The following TMEM223 variants were observed in gnomAD, a reference collection of about 807,000 sequenced individuals.
The protein encoded by TMEM223 is transmembrane protein 223.
Under a neutral mutation model 14.1 loss-of-function variants are expected in TMEM223, and 14 were observed. That is an observed-to-expected ratio of 0.99 (90% confidence interval 0.66 to 1.55). TMEM223 has a LOEUF of 1.55. TMEM223 is among the 40% of genes most tolerant of loss of function. TMEM223 has a pLI of 0.00. For missense variants in TMEM223, 346 were observed against 269.9 expected (o/e 1.28, Z -1.97); for synonymous variants, 145 against 120.5 (o/e 1.20, Z -1.33).
intron 1 of TMEM223, chr11:62,782,085 C>T (rs2084234098): frequency 6.3e-7 from 1 of 1,591,672 alleles, no homozygotes; most frequent in African/African-American, 1.3e-5. Flanking sequence ...CCCTCATGTC[C>T]CTGTAAGCTA....
downstream of TMEM223, chr11:62,787,710 C>T (rs2084304238): frequency 2.6e-6 from 2 of 774,330 alleles, no homozygotes; most frequent in African/African-American, 1.7e-5. Context: ...CTCCTCCTGG[C>T]CAGGTCATAC....
At chr11:62,783,981 G>C (rs1271291961), downstream of TMEM223, among the ~76,000 whole-genome samples, 1 of 9,410 alleles carries the variant, frequency 1.1e-4, no homozygotes, top group East Asian at 3.3e-3. Flanking sequence ...ATCTTGCCAA[G>C]ATGGCGCCAC....
At chr11:62,779,976 A>ATATATATATATTTTTTTTTT (rs1294367864) in intron 1 of TMEM223, among the ~76,000 whole-genome samples, 1 of 52,622 alleles carries the variant, frequency 1.9e-5, no homozygotes. Context: ...ATATATATAT[A>ATATATATATATTTTTTTTTT]TTTTTTTTTT....
chr11:62,774,145 C>T (rs1022541612), intron 2 of TMEM223, among the ~76,000 whole-genome samples: 3 of 151,644 alleles, frequency 2.0e-5, no homozygotes, highest in Non-Finnish European at 2.9e-5. Context: ...GGCGTGATCT[C>T]GGCTCACTGC....
rs376888304 is a variant in TMEM223 at position 62,790,800 on chromosome 11, C to T, written c.432G>A (p.Gly144=). 1.6e-5 allele frequency: 26 copies of T among 1,606,540 alleles called. No homozygotes were observed. In the African/African-American group the frequency reaches 2.1e-4, roughly 13 times the overall value. Residue 144 remains glycine, a synonymous_variant, in exon 2 of 2, where the codon GGG becomes GGA. Coordinates refer to ENST00000307366, the MANE Select transcript of TMEM223 (RefSeq NM_001080501.3). ...GCTTCAAAGGAACTGTGAAATGGGC[C>T]CCCAAGCCAAAGGGGGCATGAGTGG... ...TLTTHAPFGL[G]AHFTVPLKQV... is the part of the protein sequence containing the mutation.
chr11:62,789,080 C>T (rs1173519683), downstream of TMEM223: 1 of 1,614,234 alleles, frequency 6.2e-7, no homozygotes, highest in African/African-American at 1.3e-5. Context: ...TGGCTCCTCC[C>T]TGGCCTTATC....
chr11:62,784,306 ATTTTTTT>A, downstream of TMEM223, among the ~76,000 whole-genome samples: 1 of 118,780 alleles, frequency 8.4e-6, no homozygotes, highest in Admixed American at 8.8e-5. Flanking sequence ...TATATTCTTA[ATTTTTTT>A]TTTTTTTTTG....
downstream of TMEM223, chr11:62,786,585 C>T (rs151093417): frequency 1.3e-5 from 20 of 1,574,532 alleles, no homozygotes; most frequent in African/African-American, 2.4e-4. Context: ...GCCCAGGTGG[C>T]AGGGGGTGCC....
chr11:62,786,559 G>A, downstream of TMEM223: 3 of 1,557,648 alleles, frequency 1.9e-6, no homozygotes, highest in South Asian at 2.4e-5. Flanking sequence ...CCAGGCAGCA[G>A]AGCCCAACAG....
chr11:62,772,087 T>C, exon 3 of TMEM223: 1 of 456,228 alleles, frequency 2.2e-6, no homozygotes, highest in Non-Finnish European at 4.4e-6. Flanking sequence ...TTCATGATCT[T>C]GGAGAAGTCA....
At chr11:62,774,609 C>T (rs773402881) in exon 2 of TMEM223, 164 of 454,860 alleles carry the variant, frequency 3.6e-4, no homozygotes, top group Non-Finnish European at 5.4e-4. Context: ...TGGTGCTGTG[C>T]GTTGTTGGAG....
chr11:62,782,536 C>T, downstream of TMEM223: 4 of 1,165,320 alleles, frequency 3.4e-6, no homozygotes, highest in South Asian at 1.5e-5. Context: ...GTTCTTCAGC[C>T]CTCAGGTCCT....
chr11:62,773,121 G>C (rs1243720273), intron 2 of TMEM223, among the ~76,000 whole-genome samples: 1 of 150,146 alleles, frequency 6.7e-6, no homozygotes, highest in African/African-American at 2.5e-5. Context: ...GATTACAGGC[G>C]TGAGCCACCA....
At chr11:62,785,665 G>A (rs1233301971), downstream of TMEM223, among the ~76,000 whole-genome samples, 1 of 151,756 alleles carries the variant, frequency 6.6e-6, no homozygotes, top group Non-Finnish European at 1.5e-5. Context: ...CTCCCAAGTA[G>A]TTGAGATTAC....
At chr11:62,784,378 A>C (rs1379413023), downstream of TMEM223, among the ~76,000 whole-genome samples, 33 of 133,168 alleles carry the variant, frequency 2.5e-4, no homozygotes, top group Non-Finnish European at 3.2e-4. Context: ...CATCTTGGCT[A>C]ACTGCAACCT....
Position 62,790,492 on chromosome 11 carries a change from G to T in TMEM223, c.*131C>A. ...GGTCTCGCTATGTTGCCCAGCCTGGGCTCGAGCAGTGCTCCTGCCTCACCC... is the reference window on the plus strand; with the variant it reads ...GGTCTCGCTATGTTGCCCAGCCTGGTCTCGAGCAGTGCTCCTGCCTCACCC... On this transcript the variant is annotated 3_prime_UTR_variant, in exon 2 of 2. Transcript: ENST00000307366. 1 of 846,572 alleles carries T rather than the reference G, an allele frequency of 1.2e-6. No homozygotes were observed. The highest frequency in any genetic ancestry group is 1.8e-6 in the Non-Finnish European group (1 of 555,356). 52.4% of individuals were successfully genotyped at this position (846,572 alleles called of 1,614,324 possible). A position where few individuals can be genotyped will look rare whatever the true frequency, so the allele number is the denominator to read the frequency against.
At chr11:62,791,120 C>A (rs565049610) in intron 1 of TMEM223, among the ~76,000 whole-genome samples, 30 of 152,104 alleles carry the variant, frequency 2.0e-4, no homozygotes, top group African/African-American at 7.2e-4. Flanking sequence ...GTTATTCCTC[C>A]CAACAACCTT....
At chr11:62,781,286 C>CT (rs981459087) in intron 1 of TMEM223, among the ~76,000 whole-genome samples, 19 of 151,796 alleles carry the variant, frequency 1.3e-4, no homozygotes, top group Non-Finnish European at 2.5e-4. Flanking sequence ...CCTCCACCTA[C>CT]TTTTTTTTCT....
intron 1 of TMEM223, chr11:62,778,173 G>A (rs747767166): frequency 3.1e-5 from 50 of 1,613,702 alleles, no homozygotes; most frequent in African/African-American, 4.0e-5. Context: ...GAGTTGGGCC[G>A]TGAAGAGAAG....
Sources: allele counts gnomAD v4.1 joint callset (sites outside exome capture counted in the v4.1 genomes callset), GRCh38; gene constraint gnomAD v4.1.1; transcripts MANE v1.5; gene names NCBI Gene and HGNC (gene_info 2026-07-23, HGNC 2026-07-21).